PCNX2: variants seen among roughly 807,000 people sequenced by gnomAD.
PCNX2 encodes the protein pecanex-like protein 2.
In PCNX2, 168 loss-of-function variants were observed where a neutral mutation model predicts 223.8. That is an observed-to-expected ratio of 0.75 (90% CI 0.66 to 0.85). The LOEUF is 0.85. Ranked by LOEUF, PCNX2 falls within the 40% of genes least tolerant of loss-of-function variation. The probability of loss-of-function intolerance (pLI) is 0.00; values close to 1 mark genes in which losing one functional copy is unlikely to be tolerated. For synonymous variants in PCNX2, 1,006 were observed against 1,052.6 expected (o/e 0.96, Z 0.86); for missense variants, 2,507 against 2,675.5 (o/e 0.94, Z 1.39).
intron 1 of PCNX2, among the ~76,000 whole-genome samples, chr1:233,275,085 G>A (rs1660839959): frequency 6.6e-6 from 1 of 152,298 alleles, no homozygotes; most frequent in South Asian, 2.1e-4. Flanking sequence ...AAACAGTAAA[G>A]TGTGATATAA....
At position 233,259,062 on chromosome 1, in the gene PCNX2, A is replaced by G; in HGVS notation, c.800T>C (p.Leu267Pro). The G allele has an allele frequency of 6.2e-7, 1 of 1,614,016 alleles. No individual in the cohort carries two copies. The highest frequency in any genetic ancestry group is 8.5e-7 in the Non-Finnish European group (1 of 1,179,892). The change falls in exon 5 of 34, where the codon CTA (leucine) becomes CCA (proline). Residue 267 changes from leucine to proline, a missense_variant. By Grantham distance (98) the Leu-to-Pro change is moderately conservative. Coordinates refer to ENST00000258229, the MANE Select transcript of PCNX2 (RefSeq NM_014801.4). ...PHLSLSQYDL[L>P]ETDVSFQPWG... The stretch of plus-strand genomic sequence containing the variant: ...CGGCTGGAAAGAAACGTCTGTTTCT[A>G]GTAAGTCATACTGAGACAAAGACAG...
At chr1:233,248,159 C>T (rs115378045) in intron 8 of PCNX2, among the ~76,000 whole-genome samples, 1 of 152,126 alleles carries the variant, frequency 6.6e-6, no homozygotes, top group Non-Finnish European at 1.5e-5. Flanking sequence ...TACAGGAGCT[C>T]AGTAATTAAT....
At chr1:233,291,807 T>G in intron 1 of PCNX2, 4 of 983,786 alleles carry the variant, frequency 4.1e-6, no homozygotes, top group Non-Finnish European at 4.8e-6. Context: ...TAAATATCTC[T>G]CAAGACTAAC....
chr1:233,264,334 T>G (rs1407030751), intron 1 of PCNX2, among the ~76,000 whole-genome samples: 1 of 152,190 alleles, frequency 6.6e-6, no homozygotes, highest in East Asian at 1.9e-4. Flanking sequence ...TGGACTTCCC[T>G]AAAGAATATC....
intron 17 of PCNX2, among the ~76,000 whole-genome samples, chr1:233,175,001 C>T (rs1242385792): frequency 2.0e-5 from 3 of 152,176 alleles, no homozygotes. Context: ...CTCAGACCCC[C>T]TCACAGGCCA....
Position 232,999,332 on chromosome 1 carries a change from C to G in PCNX2, c.5376G>C (p.Glu1792Asp), listed in dbSNP as rs769357939. ...GATTGCGGTTGCGAAGAAATATAAG[C>G]TCCTGCTGCTGCCCGGCCCAAAGTC... Reference protein sequence around the residue: ...VRGLWAGQQQELIFLRNRNPE... With the variant: ...VRGLWAGQQQDLIFLRNRNPE... The change falls in exon 31 of 34, where the codon GAG becomes GAC. Residue 1792 changes from glutamate (E) to aspartate (D), a missense_variant. Transcript: ENST00000258229. 1 of 1,601,710 alleles carries G rather than the reference C, an allele frequency of 6.2e-7. No individual in the cohort carries two copies. Among genetic ancestry groups the G allele is most frequent in the Non-Finnish European group, 8.5e-7 (1 of 1,174,072 alleles).
At chr1:233,064,983 T>C (rs112900886) in intron 23 of PCNX2, among the ~76,000 whole-genome samples, 9 of 152,326 alleles carry the variant, frequency 5.9e-5, no homozygotes, top group African/African-American at 1.7e-4. Flanking sequence ...AAGTAATTAA[T>C]TATTAAGTTA....
intron 21 of PCNX2, among the ~76,000 whole-genome samples, chr1:233,106,721 T>C (rs1198909126): frequency 2.0e-5 from 3 of 152,102 alleles, no homozygotes; most frequent in African/African-American, 7.2e-5. Flanking sequence ...TCACCTCCTA[T>C]CAGGATGCAT....
chr1:233,160,246 CTTT>C (rs78656857), intron 19 of PCNX2, 34 bp downstream of exon 19: 244 of 1,441,716 alleles, frequency 1.7e-4, no homozygotes, highest in South Asian at 3.3e-4. Context: ...CCTACCCCTC[CTTT>C]TTTTTTTTTT....
intron 32 of PCNX2, among the ~76,000 whole-genome samples, chr1:232,993,863 AG>A (rs1422737595): frequency 6.6e-6 from 1 of 152,214 alleles, no homozygotes; most frequent in Non-Finnish European, 1.5e-5. Context: ...ATTGCTTCAG[AG>A]GGTGCAAACT....
In PCNX2 at chr1:233,144,138, A is replaced by ACC. The variant is rs1162647179; in HGVS notation, c.3518-4285_3518-4284dup. On this transcript the variant is annotated intron_variant, in intron 19 of 33. Coordinates refer to ENST00000258229, the MANE Select transcript of PCNX2 (RefSeq NM_014801.4). ...TGAGGCTGTAATAAGCCGTGATTAC[A>ACC]CCACTGCACCCCAGCCTGGACAACA... Among the ~76,000 whole-genome samples the ACC allele has an allele frequency of 2.8e-3, 419 of 152,158 alleles. 4 individuals are homozygous for ACC. In the East Asian group the frequency reaches 0.028, roughly 10 times the overall value.
chr1:233,007,497 G>A (rs919845415), intron 28 of PCNX2, among the ~76,000 whole-genome samples: 1 of 152,034 alleles, frequency 6.6e-6, no homozygotes, highest in African/African-American at 2.4e-5. Flanking sequence ...TAGCAAACAT[G>A]GAGTTGCTTT....
intron 25 of PCNX2, among the ~76,000 whole-genome samples, chr1:233,040,576 A>G (rs1336933281): frequency 1.3e-5 from 2 of 152,074 alleles, no homozygotes; most frequent in Non-Finnish European, 2.9e-5. Flanking sequence ...ATGCTCTCAG[A>G]CCATTCTCTC....
rs1185515564 is a variant in PCNX2 at position 233,253,952 on chromosome 1, A to G, written c.1835-1164T>C. Among the ~76,000 whole-genome samples the G allele has an allele frequency of 6.6e-6, 1 of 152,174 alleles. No individual in the cohort carries two copies. The highest frequency in any genetic ancestry group is 6.5e-5 in the Admixed American group (1 of 15,280). On this transcript the variant is annotated intron_variant, in intron 5 of 33. Coordinates refer to ENST00000258229, the MANE Select transcript of PCNX2 (RefSeq NM_014801.4). This position sits in a 1 kb window ranked among gnomAD's most constrained non-coding sequence, Gnocchi z 4.2. ...TACTCCCATGACTTACTCTGAGTAA[A>G]TGATTGGCTCTTAAGCTCAACAGCC...
At chr1:233,114,113 GA>G (rs761633099) in intron 21 of PCNX2, among the ~76,000 whole-genome samples, 19 of 152,164 alleles carry the variant, frequency 1.2e-4, no homozygotes, top group Non-Finnish European at 2.8e-4. Context: ...TGACGGCTAT[GA>G]CAAAAAGGTA....
In PCNX2 at chr1:233,000,270, G is replaced by T; in HGVS notation, c.5328+35C>A. 1 of 1,592,282 alleles carries T rather than the reference G, an allele frequency of 6.3e-7. No individual in the cohort carries two copies. Among genetic ancestry groups the T allele is most frequent in the Non-Finnish European group, 8.6e-7 (1 of 1,160,468 alleles). ...TTTCTTCTCAGATAGAGAGACACGA[G>T]CCAACAGGGGACCCAGAAAGTGTGG... On this transcript the variant is annotated intron_variant, in intron 30 of 33. Transcript: ENST00000258229. This position sits in a 1 kb window ranked among gnomAD's most constrained non-coding sequence, Gnocchi z 4.6.
intron 12 of PCNX2, among the ~76,000 whole-genome samples, chr1:233,214,637 G>A (rs1682014963): frequency 6.6e-6 from 1 of 152,114 alleles, no homozygotes. Flanking sequence ...GTTACTGTCA[G>A]TTACACATAT....
intron 8 of PCNX2, among the ~76,000 whole-genome samples, chr1:233,240,589 T>G (rs1454695730): frequency 6.6e-6 from 1 of 152,218 alleles, no homozygotes; most frequent in Non-Finnish European, 1.5e-5. Flanking sequence ...TGGTGAATCT[T>G]TGGTAAACTA....
At chr1:233,316,608 G>A in the PCNX2 span, among the ~76,000 whole-genome samples, 1 of 152,258 alleles carries the variant, frequency 6.6e-6, no homozygotes, top group Admixed American at 6.5e-5. Context: ...CTGACATAAT[G>A]AACTGGGCCT....
Sources: allele counts gnomAD v4.1 joint callset (sites outside exome capture counted in the v4.1 genomes callset), GRCh38; gene constraint gnomAD v4.1.1; non-coding constraint Gnocchi (gnomAD v3.1); transcripts MANE v1.5; gene names NCBI Gene and HGNC (gene_info 2026-07-23, HGNC 2026-07-21).